The following ETV5 variants were observed in gnomAD, a reference collection of about 807,000 sequenced individuals.
ETV5 encodes ETS translocation variant 5.
In ETV5, 10 loss-of-function variants were observed where a neutral mutation model predicts 70.0. The observed-to-expected ratio is 0.14, with a 90% CI of 0.09 to 0.24. ETV5 has a LOEUF of 0.24. Among genes scored for constraint, ETV5 ranks in the 10% least tolerant of loss-of-function variants. ETV5 has a pLI of 1.00. For synonymous variants in ETV5, 216 were observed against 242.2 expected, an observed-to-expected ratio of 0.89 and a Z score of 1.01; for missense variants, 453 against 651.2, an observed-to-expected ratio of 0.70 and a Z score of 3.31.
intron 5 of ETV5, among the ~76,000 whole-genome samples, chr3:186,103,869 GC>G (rs1391424883): frequency 6.6e-6 from 1 of 152,206 alleles, no homozygotes; most frequent in African/African-American, 2.4e-5. Context: ...TGGACATGAG[GC>G]CTATCATTAA....
Position 186,069,519 on chromosome 3 carries a change from T to TA in ETV5, c.651-3448_651-3447insT, listed in dbSNP as rs1560048711. On this transcript the variant is annotated intron_variant, in intron 7 of 12. Coordinates refer to ENST00000306376, the MANE Select transcript of ETV5 (RefSeq NM_004454.3). ...CGAAGTTGTTTTTTTTTTTTTTTTT[T>TA]TAAAAAAAGTCTAAAAAAAGACTTA... Among the ~76,000 whole-genome samples the TA allele has an allele frequency of 1.5e-4, 20 of 129,432 alleles. 1 individual carries two copies. The highest frequency in any genetic ancestry group is 8.9e-4 in the East Asian group (4 of 4,490). 84.9% of individuals were successfully genotyped at this position (129,432 alleles called of 152,430 possible). A position where few individuals can be genotyped will look rare whatever the true frequency, so the allele number is the denominator to read the frequency against.
intron 7 of ETV5, 74 bp from the exon 8 acceptor site, chr3:186,066,146 AG>A: frequency 7.5e-7 from 1 of 1,341,712 alleles, no homozygotes; most frequent in South Asian, 1.6e-5. Flanking sequence ...ACTGGGGACT[AG>A]AAGTTCCAAT....
intron 5 of ETV5, among the ~76,000 whole-genome samples, chr3:186,092,558 G>C (rs1159746977): frequency 2.0e-5 from 3 of 151,772 alleles, no homozygotes; most frequent in African/African-American, 7.3e-5. Context: ...TCAGCCTCCA[G>C]AGTAGGTGGG....
At chr3:186,078,515 T>A (rs1261730099) in intron 7 of ETV5, among the ~76,000 whole-genome samples, 1 of 152,192 alleles carries the variant, frequency 6.6e-6, no homozygotes, top group Non-Finnish European at 1.5e-5. Context: ...TGTTTTTAAT[T>A]TGAATTAGTT....
At chr3:186,070,609 G>A (rs3935265) in intron 7 of ETV5, among the ~76,000 whole-genome samples, 1 of 152,244 alleles carries the variant, frequency 6.6e-6, no homozygotes, top group East Asian at 1.9e-4. Context: ...ATATTTGGAA[G>A]AAAGATTCTC....
chr3:186,059,412 G>A (rs1032396154), intron 9 of ETV5, among the ~76,000 whole-genome samples: 1 of 152,134 alleles, frequency 6.6e-6, no homozygotes, highest in Admixed American at 6.5e-5. Flanking sequence ...AACTGGGGGC[G>A]ACAGACAATA....
At position 186,052,261 on chromosome 3, in the gene ETV5, G is replaced by C. The variant is rs777161092; in HGVS notation, c.1210-130C>G. 1 of 773,366 alleles carries C rather than the reference G, an allele frequency of 1.3e-6. No homozygotes were observed. The highest frequency in any genetic ancestry group is 2.1e-6 in the Non-Finnish European group (1 of 470,888). 47.9% of individuals were successfully genotyped at this position (773,366 alleles called of 1,614,324 possible). On this transcript the variant is annotated intron_variant, in intron 11 of 12. Coordinates refer to ENST00000306376, the MANE Select transcript of ETV5 (RefSeq NM_004454.3). The surrounding 1 kb of genome is among the most constrained non-coding windows in gnomAD (Gnocchi z 4.5). Reference sequence around the variant, plus strand: ...ATGATCTGCTACTCTGACCTGGAAGGGAAGGCATTTAACTCCCTCAAGACC... The same window carrying C: ...ATGATCTGCTACTCTGACCTGGAAGCGAAGGCATTTAACTCCCTCAAGACC...
Position 186,062,163 on chromosome 3 carries a change from G to A in ETV5, c.970+2254C>T, listed in dbSNP as rs1241127003. Among the ~76,000 whole-genome samples the A allele has an allele frequency of 2.0e-5, 3 of 152,364 alleles. No homozygotes were observed. In the East Asian group the frequency reaches 5.8e-4, roughly 29 times the overall value. On this transcript the variant is annotated intron_variant, in intron 9 of 12. Transcript: ENST00000306376. Reference sequence around the variant, plus strand: ...ATCCCCATGCAATGAGTACTGTGCAGCCATTAATGAGGAAATCATAGTGTA... The same window carrying A: ...ATCCCCATGCAATGAGTACTGTGCAACCATTAATGAGGAAATCATAGTGTA...
At chr3:186,074,204 A>G (rs1184354371) in intron 7 of ETV5, among the ~76,000 whole-genome samples, 1 of 152,150 alleles carries the variant, frequency 6.6e-6, no homozygotes, top group Non-Finnish European at 1.5e-5. Context: ...GAATAACTTT[A>G]TGTCAATTAA....
intron 5 of ETV5, among the ~76,000 whole-genome samples, chr3:186,099,692 C>G (rs964023011): frequency 3.9e-5 from 6 of 152,086 alleles, no homozygotes; most frequent in African/African-American, 1.4e-4. Flanking sequence ...AAATGGGAGA[C>G]AGTACACATT....
At position 186,057,317 on chromosome 3, in the gene ETV5, T is replaced by C; in HGVS notation, c.1040-73A>G. 1 of 1,607,550 alleles carries C rather than the reference T, an allele frequency of 6.2e-7. No homozygotes were observed. Among genetic ancestry groups the C allele is most frequent in the Non-Finnish European group, 8.5e-7 (1 of 1,174,576 alleles). On this transcript the variant is annotated intron_variant, in intron 10 of 12. Transcript: ENST00000306376. The surrounding 1 kb of genome is among the most constrained non-coding windows in gnomAD (Gnocchi z 4.9). ...TCAGGTGGTTGGGACAAAAAGGAGT[T>C]GTTCATGCTGATTTAATCACTGGAC...
At chr3:186,102,590 T>C (rs1024235160) in intron 5 of ETV5, among the ~76,000 whole-genome samples, 2 of 143,746 alleles carry the variant, frequency 1.4e-5, no homozygotes, top group African/African-American at 2.6e-5. Flanking sequence ...TGGGCCGAGA[T>C]TGCGCCATTG....
chr3:186,105,502 A>T lies in ETV5; in HGVS notation c.134-6T>A. On this transcript the variant is annotated splice_region_variant and splice_polypyrimidine_tract_variant and intron_variant, in intron 3 of 12. Transcript: ENST00000306376. This position sits in a 1 kb window ranked among gnomAD's most constrained non-coding sequence, Gnocchi z 4.5. The stretch of plus-strand genomic sequence containing the variant: ...ACTGAGATCCTGAAATAGCTCTGAA[A>T]TTGAAAAAGAAGACCCCAGAATGAG... 6.2e-7 allele frequency: 1 copy of T among 1,614,178 alleles called. No homozygotes were observed. The highest frequency in any genetic ancestry group is 8.5e-7 in the Non-Finnish European group (1 of 1,180,020).
intron 5 of ETV5, among the ~76,000 whole-genome samples, chr3:186,084,901 G>A (rs1289519023): frequency 6.6e-6 from 1 of 152,048 alleles, no homozygotes; most frequent in African/African-American, 2.4e-5. Flanking sequence ...ATATGCTCTA[G>A]AACAAAGGAA....
At chr3:186,102,438 G>A (rs1714481448) in intron 5 of ETV5, among the ~76,000 whole-genome samples, 1 of 152,046 alleles carries the variant, frequency 6.6e-6, no homozygotes, top group Non-Finnish European at 1.5e-5. Context: ...TTCAAGACCA[G>A]CCTGGCAAAC....
chr3:186,050,361 A>G (rs1021227677), intron 12 of ETV5, among the ~76,000 whole-genome samples: 6 of 152,192 alleles, frequency 3.9e-5, no homozygotes. Flanking sequence ...TCATAAGGAC[A>G]GCTCATTTCC....
At chr3:186,063,037 C>A (rs527245835) in intron 9 of ETV5, among the ~76,000 whole-genome samples, 2 of 152,036 alleles carry the variant, frequency 1.3e-5, no homozygotes, top group African/African-American at 4.8e-5. Context: ...TTTGGGAGGC[C>A]GAGGCAGGTG....
chr3:186,103,620 AACACAC>A (rs10534124), intron 5 of ETV5, among the ~76,000 whole-genome samples: 3,050 of 142,932 alleles, frequency 0.021, 96 homozygotes, highest in African/African-American at 0.073. Flanking sequence ...TCATCTTGCA[AACACAC>A]ACACACACAC....
At chr3:186,084,282 T>TAAAA (rs11327778) in intron 5 of ETV5, 180 of 217,650 alleles carry the variant, frequency 8.3e-4, no homozygotes, top group Middle Eastern at 1.5e-3. Flanking sequence ...AAAGAAATGC[T>TAAAA]AAAAAAAAAA....
Sources: gnomAD v4.1 joint callset for allele counts (sites outside exome capture counted in the v4.1 genomes callset) on GRCh38, gnomAD v4.1.1 for gene constraint, Gnocchi (gnomAD v3.1) non-coding constraint, MANE v1.5 for transcripts, NCBI Gene and HGNC (gene_info 2026-07-23, HGNC 2026-07-21) for gene names.